ASIC2: variants seen among roughly 807,000 people sequenced by gnomAD.
The protein encoded by ASIC2 is acid-sensing ion channel 2.
In ASIC2, 25 loss-of-function variants were observed where a neutral mutation model predicts 57.3. That is an observed-to-expected ratio of 0.44 (90% CI 0.32 to 0.61). The LOEUF is 0.61. ASIC2 is among the 20% of genes least tolerant of loss of function. ASIC2 has a pLI of 0.06. For missense variants in ASIC2, 641 were observed against 738.1 expected (o/e 0.87, Z 1.52); for synonymous variants, 319 against 307.5 (o/e 1.04, Z -0.39).
intron 3 of ASIC2, among the ~76,000 whole-genome samples, chr17:33,077,577 A>G (rs2092094183): frequency 6.6e-6 from 1 of 152,202 alleles, no homozygotes; most frequent in Non-Finnish European, 1.5e-5. Context: ...AGAGTGAAAG[A>G]TCTCAGTAGG....
chr17:33,962,871 A>T (rs1156309635), intron 1 of ASIC2, among the ~76,000 whole-genome samples: 1 of 152,180 alleles, frequency 6.6e-6, no homozygotes, highest in Non-Finnish European at 1.5e-5. Context: ...CTTGAGGCTG[A>T]CCTTAAGCTA....
At chr17:33,685,995 G>A (rs984192670) in intron 1 of ASIC2, among the ~76,000 whole-genome samples, 9 of 152,138 alleles carry the variant, frequency 5.9e-5, no homozygotes, top group Non-Finnish European at 1.3e-4. Context: ...TTTGGGAATC[G>A]GCCTCCTGCA....
intron 1 of ASIC2, among the ~76,000 whole-genome samples, chr17:33,150,986 C>T (rs7219835): frequency 0.041 from 6,280 of 151,698 alleles, 180 homozygotes; most frequent in East Asian, 0.084. Context: ...GCTGAGATAG[C>T]ACCACTGCAC....
intron 3 of ASIC2, among the ~76,000 whole-genome samples, chr17:33,045,096 A>G (rs962889496): frequency 3.9e-5 from 6 of 152,232 alleles, no homozygotes; most frequent in Middle Eastern, 3.4e-3. Flanking sequence ...CCCGGTGCCT[A>G]TGGAGCAGCC....
chr17:33,861,849 G>C (rs1914109775), intron 1 of ASIC2, among the ~76,000 whole-genome samples: 1 of 152,148 alleles, frequency 6.6e-6, no homozygotes, highest in South Asian at 2.1e-4. Context: ...AAACTTCACT[G>C]ACAATTCCCG....
At chr17:34,067,637 A>T (rs1909219800) in intron 1 of ASIC2, among the ~76,000 whole-genome samples, 1 of 152,210 alleles carries the variant, frequency 6.6e-6, no homozygotes, top group Non-Finnish European at 1.5e-5. Context: ...TGATTTTTCA[A>T]ATGGAAATAA....
At chr17:33,100,436 G>T (rs921192620) in intron 2 of ASIC2, 1 of 152,312 alleles carries the variant, frequency 6.6e-6, no homozygotes, top group Non-Finnish European at 1.5e-5. Context: ...ACAGGCCTGA[G>T]ACTAAAACCA....
chr17:33,087,737 T>C (rs568990257), intron 3 of ASIC2, among the ~76,000 whole-genome samples: 1 of 151,806 alleles, frequency 6.6e-6, no homozygotes, highest in Non-Finnish European at 1.5e-5. Context: ...TTTTTTTTTT[T>C]TGGTAGAGAT....
intron 1 of ASIC2, among the ~76,000 whole-genome samples, chr17:33,142,476 G>A (rs1042069910): frequency 1.4e-4 from 21 of 152,304 alleles, no homozygotes; most frequent in African/African-American, 4.1e-4. Context: ...TAAAGGATTA[G>A]ACTCTTGCTC....
At chr17:33,103,730 A>G (rs1039874974) in intron 2 of ASIC2, among the ~76,000 whole-genome samples, 4 of 152,054 alleles carry the variant, frequency 2.6e-5, no homozygotes, top group African/African-American at 9.7e-5. Flanking sequence ...GGTGGGGTAA[A>G]TTAGTCTGGC....
At chr17:34,142,268 T>C (rs1912291668) in intron 1 of ASIC2, among the ~76,000 whole-genome samples, 1 of 152,046 alleles carries the variant, frequency 6.6e-6, no homozygotes, top group Non-Finnish European at 1.5e-5. Context: ...GAGAGGCCCC[T>C]CAACTGCTAT....
chr17:34,143,735 A>T (rs1339092727), intron 1 of ASIC2, among the ~76,000 whole-genome samples: 1 of 152,154 alleles, frequency 6.6e-6, no homozygotes, highest in Non-Finnish European at 1.5e-5. Flanking sequence ...TCAGGGAAAG[A>T]TGGGCTTAGG....
At chr17:33,260,407 C>T (rs1909236278) in intron 1 of ASIC2, among the ~76,000 whole-genome samples, 2 of 152,214 alleles carry the variant, frequency 1.3e-5, no homozygotes, top group South Asian at 4.1e-4. Context: ...TTGGAGCACT[C>T]AGCAGAGGCC....
At chr17:33,775,471 C>G (rs554206753) in intron 1 of ASIC2, among the ~76,000 whole-genome samples, 2 of 152,054 alleles carry the variant, frequency 1.3e-5, no homozygotes, top group Non-Finnish European at 2.9e-5. Context: ...ATGAAGAGTA[C>G]GTGAGCAAAT....
intron 1 of ASIC2, among the ~76,000 whole-genome samples, chr17:33,119,392 A>AGATTT (rs1185634858): frequency 6.6e-6 from 1 of 152,196 alleles, no homozygotes; most frequent in East Asian, 1.9e-4. Context: ...CTAGCCATTT[A>AGATTT]GTTTTGTTTT....
chr17:34,081,092 C>T (rs1173901368), intron 1 of ASIC2: 2 of 152,190 alleles, frequency 1.3e-5, no homozygotes, highest in African/African-American at 4.8e-5. Flanking sequence ...TGCATACTTT[C>T]TGGAGTCAAG....
chr17:34,080,712 C>T (rs1909845702), intron 1 of ASIC2, among the ~76,000 whole-genome samples: 1 of 152,162 alleles, frequency 6.6e-6, no homozygotes, highest in Admixed American at 6.5e-5. Flanking sequence ...ACCTTAGGTT[C>T]ATTTACTTTG....
At chr17:33,327,690 C>CT (rs2142222070) in intron 1 of ASIC2, among the ~76,000 whole-genome samples, 1 of 152,258 alleles carries the variant, frequency 6.6e-6, no homozygotes, top group African/African-American at 2.4e-5. Context: ...GAAAAGACTC[C>CT]TACTTCAGAC....
At chr17:34,086,289 A>T (rs914441159) in intron 1 of ASIC2, among the ~76,000 whole-genome samples, 3 of 151,918 alleles carry the variant, frequency 2.0e-5, no homozygotes, top group Non-Finnish European at 4.4e-5. Flanking sequence ...CCTTCATTTC[A>T]TTATGTACCA....
Sources: gnomAD v4.1 joint callset for allele counts (sites outside exome capture counted in the v4.1 genomes callset) on GRCh38, gnomAD v4.1.1 for gene constraint, MANE v1.5 for transcripts, NCBI Gene and HGNC (gene_info 2026-07-23, HGNC 2026-07-21) for gene names.